Variants in ACSM3 observed in about 807,000 individuals in gnomAD.
The protein encoded by ACSM3 is acyl-coenzyme A synthetase ACSM3, mitochondrial.
Under a neutral mutation model 74.1 loss-of-function variants are expected in ACSM3, and 61 were observed. That is an observed-to-expected ratio of 0.82 (90% CI 0.67 to 1.02). ACSM3 has a LOEUF of 1.02. Among genes scored for constraint, ACSM3 ranks in the 50% least tolerant of loss-of-function variants. The pLI is 0.00. For missense variants in ACSM3, 660 were observed against 697.0 expected (o/e 0.95, Z 0.60); for synonymous variants, 213 against 241.5 (o/e 0.88, Z 1.09).
intron 12 of ACSM3, among the ~76,000 whole-genome samples, chr16:20,794,550 C>T (rs78765763): frequency 0.02 from 2,991 of 152,268 alleles, 35 homozygotes; most frequent in Non-Finnish European, 0.032. Flanking sequence ...TTGAATGGCA[C>T]AGCCATAGAC....
At chr16:20,738,462 C>T (rs1274559219) in intron 1 of ACSM3, among the ~76,000 whole-genome samples, 1 of 152,194 alleles carries the variant, frequency 6.6e-6, no homozygotes, top group African/African-American at 2.4e-5. Flanking sequence ...CAGGCTGCAA[C>T]TTGCCTACAT....
chr16:20,741,359 A>T, intron 1 of ACSM3: 1 of 956,908 alleles, frequency 1.0e-6, no homozygotes, highest in Non-Finnish European at 1.5e-6. Flanking sequence ...TCTCAGGACT[A>T]GGGACGGAAA....
intron 1 of ACSM3, among the ~76,000 whole-genome samples, chr16:20,748,226 C>T (rs11642478): frequency 0.13 from 19,793 of 151,896 alleles, 1,354 homozygotes; most frequent in East Asian, 0.21. Flanking sequence ...TCTTTCAGTA[C>T]AAATAAGGCC....
intron 1 of ACSM3, among the ~76,000 whole-genome samples, chr16:20,692,121 A>G (rs976914692): frequency 1.1e-4 from 16 of 152,188 alleles, no homozygotes; most frequent in Non-Finnish European, 2.2e-4. Flanking sequence ...AATATACACC[A>G]TCATCCTCAG....
chr16:20,760,344 G>C (rs1476249407), upstream of ACSM3, among the ~76,000 whole-genome samples: 2 of 152,132 alleles, frequency 1.3e-5, no homozygotes, highest in South Asian at 2.1e-4. Flanking sequence ...AAAGGTTCAG[G>C]AGAGTTTATT....
chr16:20,741,758 G>A (rs752416689), intron 1 of ACSM3: 4 of 1,557,642 alleles, frequency 2.6e-6, no homozygotes, highest in Middle Eastern at 1.7e-4. Context: ...CAAACTGAGA[G>A]GAAAGAGAAA....
rs996989982 is a variant in ACSM3, at chr16:20,776,109, A to G, written c.430+60A>G. ...CTAAGCTGGAGGGGAGATTTTCCAGAACACCTAAGTAATCATGATACATTT... is the reference window on the plus strand; with the variant it reads ...CTAAGCTGGAGGGGAGATTTTCCAGGACACCTAAGTAATCATGATACATTT... On this transcript the variant is annotated intron_variant, in intron 3 of 13. Coordinates refer to ENST00000289416, the MANE Select transcript of ACSM3 (RefSeq NM_005622.4). 5.3e-6 allele frequency: 8 copies of G among 1,523,616 alleles called. No homozygotes were observed. In the African/African-American group the frequency reaches 9.6e-5, roughly 18 times the overall value. 94.4% of individuals were successfully genotyped at this position (1,523,616 alleles called of 1,614,324 possible). A position where few individuals can be genotyped will look rare whatever the true frequency, so the allele number is the denominator to read the frequency against.
intron 1 of ACSM3, chr16:20,691,132 G>C: frequency 6.2e-7 from 1 of 1,613,108 alleles, no homozygotes; most frequent in Non-Finnish European, 8.5e-7. Flanking sequence ...CAGGGTGGAT[G>C]TTGTGGAAGG....
chr16:20,718,674 A>T (rs1321045978), intron 1 of ACSM3, among the ~76,000 whole-genome samples: 1 of 152,188 alleles, frequency 6.6e-6, no homozygotes, highest in Non-Finnish European at 1.5e-5. Context: ...TAACCAGCTG[A>T]TCAAGCAAGA....
In ACSM3 at chr16:20,706,020, C is replaced by T. The variant is rs143340043; in HGVS notation, c.-190+31198C>T. Among the ~76,000 whole-genome samples, 561 of 151,906 alleles carry T rather than the reference C, an allele frequency of 3.7e-3. 7 individuals are homozygous for T. The highest frequency in any genetic ancestry group is 0.013 in the African/African-American group (538 of 41,422). On this transcript the variant is annotated intron_variant, in intron 1 of 3. Transcript: ENST00000561584. ...TTGAAATTAGTTCAAAAGGAATTAG[C>T]AGTCTTAAGAATAGAGAGAAAAATA... is the stretch of plus-strand genomic sequence containing the variant.
intron 13 of ACSM3, 96 bp downstream of exon 13, chr16:20,796,585 T>C (rs2080728777): frequency 2.5e-6 from 4 of 1,570,588 alleles, no homozygotes; most frequent in South Asian, 1.2e-5. Flanking sequence ...TCACACATGC[T>C]GCACCACATG....
At chr16:20,737,311 T>C (rs1219895999) in intron 1 of ACSM3, 3 of 1,585,258 alleles carry the variant, frequency 1.9e-6, no homozygotes, top group South Asian at 1.2e-5. Flanking sequence ...GAAAAACACA[T>C]AGCTGAGGAG....
At chr16:20,736,540 G>A (rs2079871056) in intron 1 of ACSM3, 1 of 223,702 alleles carries the variant, frequency 4.5e-6, no homozygotes, top group Admixed American at 5.1e-5. Flanking sequence ...TCCTTCCTTA[G>A]AATGAAAACT....
chr16:20,708,764 CA>C (rs2079734829), intron 1 of ACSM3, among the ~76,000 whole-genome samples: 1 of 152,030 alleles, frequency 6.6e-6, no homozygotes, highest in East Asian at 1.9e-4. Context: ...TAGAAAAAAA[CA>C]ATTCTAAAAT....
chr16:20,780,972 A>G lies in ACSM3; in HGVS notation c.783-2A>G. On this transcript the variant is annotated splice_acceptor_variant, in intron 5 of 13. Transcript: ENST00000289416. LOFTEE classifies it high-confidence loss of function. ...CATCAGGGCTACTCTTTGTTTTCCC[A>G]GGTTCTGGCTAGATTTGACACCCTC... The G allele has an allele frequency of 6.2e-7, 1 of 1,614,042 alleles. No individual in the cohort carries two copies. The highest frequency in any genetic ancestry group is 8.5e-7 in the Non-Finnish European group (1 of 1,179,990).
In ACSM3 at chr16:20,790,362, A is replaced by C. The variant is rs1198980330; in HGVS notation, c.1225-225A>C. ...ATACTTGGGAAGCTGAGGTGTGAGG[A>C]CTGTTTGAGACCAGAAGTTTGACGC... On this transcript the variant is annotated intron_variant, in intron 9 of 13. Coordinates refer to ENST00000289416, the MANE Select transcript of ACSM3 (RefSeq NM_005622.4). This position sits in a 1 kb window ranked among gnomAD's most constrained non-coding sequence, Gnocchi z 4.0. 6.6e-6 allele frequency among the ~76,000 whole-genome samples: 1 copy of C among 152,152 alleles called. No homozygotes were observed. The highest frequency in any genetic ancestry group is 1.5e-5 in the Non-Finnish European group (1 of 68,036).
At chr16:20,760,566 C>A (rs1301205153), upstream of ACSM3, among the ~76,000 whole-genome samples, 1 of 152,094 alleles carries the variant, frequency 6.6e-6, no homozygotes, top group Non-Finnish European at 1.5e-5. Context: ...GGTCTTGTGA[C>A]CCTGAAGCCA....
rs372260630 is a variant in ACSM3 at position 20,682,510 on chromosome 16, C to T, written c.-190+7688C>T. Reference sequence around the variant, plus strand: ...ATTGTTTTGGTTTCTTTTTCACAACCATGGGCTTTAGACTTGGCTTGTCTG... The same window carrying T: ...ATTGTTTTGGTTTCTTTTTCACAACTATGGGCTTTAGACTTGGCTTGTCTG... On this transcript the variant is annotated intron_variant, in intron 1 of 3. Coordinates refer to the ACSM3 transcript ENST00000561584. 3.3e-4 allele frequency: 505 copies of T among 1,521,498 alleles called. 1 individual carries two copies. The highest frequency in any genetic ancestry group is 4.3e-4 in the Non-Finnish European group (472 of 1,100,562). The allele number at this position is 1,521,498 out of a possible 1,614,324, so 94.2% of individuals were successfully genotyped here.
At chr16:20,776,861 AT>A (rs1348020393) in intron 3 of ACSM3, among the ~76,000 whole-genome samples, 1 of 152,184 alleles carries the variant, frequency 6.6e-6, no homozygotes, top group Non-Finnish European at 1.5e-5. Flanking sequence ...CCTTTTGGAA[AT>A]AAATCATAAA....
Sources: gnomAD v4.1 joint callset for allele counts (sites outside exome capture counted in the v4.1 genomes callset) on GRCh38, gnomAD v4.1.1 for gene constraint, Gnocchi (gnomAD v3.1) non-coding constraint, MANE v1.5 for transcripts, NCBI Gene and HGNC (gene_info 2026-07-23, HGNC 2026-07-21) for gene names.